Variants in ITPKB observed in about 807,000 individuals in gnomAD.
The protein encoded by ITPKB is IP3 3-kinase B.
Under a neutral mutation model 69.4 loss-of-function variants are expected in ITPKB, and 13 were observed. The ratio of observed to expected loss-of-function variants is 0.19; its 90% CI spans 0.12 to 0.30. ITPKB has a LOEUF of 0.30. ITPKB is among the 10% of genes least tolerant of loss of function. The pLI is 1.00. For synonymous variants in ITPKB, 584 were observed against 513.7 expected, an observed-to-expected ratio of 1.14 and a Z score of -1.85; for missense variants, 1,240 against 1,250.5, an observed-to-expected ratio of 0.99 and a Z score of 0.13.
In ITPKB at chr1:226,632,959, GC is replaced by G. The variant is rs1405414679; in HGVS notation, c.*1711del. The G allele has an allele frequency of 6.6e-6, 1 of 152,120 alleles. No homozygotes were observed. The highest frequency in any genetic ancestry group is 2.4e-5 in the African/African-American group (1 of 41,396). 9.4% of individuals were successfully genotyped at this position (152,120 alleles called of 1,614,324 possible). A position where few individuals can be genotyped will look rare whatever the true frequency, so the allele number is the denominator to read the frequency against. On this transcript the variant is annotated 3_prime_UTR_variant, in exon 8 of 8. Coordinates refer to ENST00000429204, the MANE Select transcript of ITPKB (RefSeq NM_002221.4). ...CCAGAGTTGACTTTGGCTCCCCAAC[GC>G]CCCCGTCCTGCCTGCCTTCCAGATC... is the stretch of plus-strand genomic sequence containing the variant.
chr1:226,732,102 CAAAA>C (rs532778037), intron 2 of ITPKB, among the ~76,000 whole-genome samples: 25 of 76,278 alleles, frequency 3.3e-4, no homozygotes, highest in African/African-American at 8.9e-4. Context: ...TAGTCAACAT[CAAAA>C]AAAAAAAAAA....
intron 2 of ITPKB, among the ~76,000 whole-genome samples, chr1:226,702,562 G>C (rs969547341): frequency 1.3e-5 from 2 of 152,232 alleles, no homozygotes; most frequent in African/African-American, 4.8e-5. Flanking sequence ...ACTAGGCCTA[G>C]AGAGAGATGA....
At chr1:226,732,465 T>TGACCTCAAGTGATCCACC (rs1657618279) in intron 2 of ITPKB, among the ~76,000 whole-genome samples, 1 of 152,024 alleles carries the variant, frequency 6.6e-6, no homozygotes, top group African/African-American at 2.4e-5. Context: ...TTTGAACTCC[T>TGACCTCAAGTGATCCACC]GACCTCAAGT....
chr1:226,708,264 G>T (rs1328357887), intron 2 of ITPKB, among the ~76,000 whole-genome samples: 4 of 152,136 alleles, frequency 2.6e-5, no homozygotes, highest in Non-Finnish European at 5.9e-5. Context: ...GTTATCATTA[G>T]CTTCTTTCTC....
chr1:226,722,878 A>G (rs1657286859), intron 2 of ITPKB, among the ~76,000 whole-genome samples: 1 of 152,096 alleles, frequency 6.6e-6, no homozygotes, highest in Non-Finnish European at 1.5e-5. Flanking sequence ...GTTTGAATAG[A>G]TCATCCTGGA....
At chr1:226,658,347 CT>C (rs1182274896) in intron 2 of ITPKB, among the ~76,000 whole-genome samples, 2 of 152,182 alleles carry the variant, frequency 1.3e-5, no homozygotes, top group Non-Finnish European at 2.9e-5. Flanking sequence ...GTAGGGGCCC[CT>C]GGCTCAATAG....
intron 2 of ITPKB, among the ~76,000 whole-genome samples, chr1:226,713,196 G>C (rs545485737): frequency 1.3e-5 from 2 of 152,078 alleles, no homozygotes; most frequent in Non-Finnish European, 2.9e-5. Flanking sequence ...CGACCTCTTC[G>C]CATTTCTAGA....
At chr1:226,732,355 T>C (rs907417066) in intron 2 of ITPKB, among the ~76,000 whole-genome samples, 2 of 152,026 alleles carry the variant, frequency 1.3e-5, no homozygotes, top group African/African-American at 2.4e-5. Flanking sequence ...TCTCCTGCCT[T>C]AGCCTCCCAA....
chr1:226,707,683 G>A (rs746523809), intron 2 of ITPKB: 5 of 1,027,206 alleles, frequency 4.9e-6, no homozygotes, highest in Non-Finnish European at 5.9e-6. Flanking sequence ...AGTCCCTCTT[G>A]AAAACTAAAG....
chr1:226,649,856 A>C (rs1010644459), intron 2 of ITPKB, among the ~76,000 whole-genome samples: 10 of 152,074 alleles, frequency 6.6e-5, no homozygotes, highest in Non-Finnish European at 1.5e-4. Context: ...AAAAAAACAA[A>C]AAAAAAACAT....
At chr1:226,659,892 T>A (rs1669368392) in intron 2 of ITPKB, among the ~76,000 whole-genome samples, 1 of 152,214 alleles carries the variant, frequency 6.6e-6, no homozygotes, top group African/African-American at 2.4e-5. Flanking sequence ...ACTCCCGGCA[T>A]CTGGCTGATA....
rs1558300216 is a variant in ITPKB at position 226,642,041 on chromosome 1, G to A, written c.2331C>T (p.Asp777=). The A allele has an allele frequency of 6.2e-6, 10 of 1,614,004 alleles. No individual in the cohort carries two copies. Among genetic ancestry groups the A allele is most frequent in the Non-Finnish European group, 7.6e-6 (9 of 1,179,992 alleles). The part of the protein sequence containing the change: ...KDMYQKMIEV[D]PEAPTEEEKA... ...TTTCCTCCTCGGTGGGGGCCTCGGG[G>A]TCCACCTCGATCATCTTCTGGTACA... Residue 777 remains aspartate, a synonymous_variant, in exon 5 of 8, where the codon GAC becomes GAT. Coordinates refer to ENST00000429204, the MANE Select transcript of ITPKB (RefSeq NM_002221.4). This position sits in a 1 kb window ranked among gnomAD's most constrained non-coding sequence, Gnocchi z 6.4.
intron 2 of ITPKB, among the ~76,000 whole-genome samples, chr1:226,724,786 G>T (rs527274586): frequency 3.9e-5 from 6 of 152,286 alleles, no homozygotes; most frequent in African/African-American, 1.2e-4. Flanking sequence ...CTGGTCAATC[G>T]GGGTCCTCCC....
At chr1:226,689,356 G>A (rs1373413144) in intron 2 of ITPKB, among the ~76,000 whole-genome samples, 3 of 152,196 alleles carry the variant, frequency 2.0e-5, no homozygotes, top group African/African-American at 4.8e-5. Flanking sequence ...CTATTGTGGA[G>A]CAGCCTTTGT....
chr1:226,662,762 G>A (rs1669423416), intron 2 of ITPKB, among the ~76,000 whole-genome samples: 1 of 152,218 alleles, frequency 6.6e-6, no homozygotes, highest in Non-Finnish European at 1.5e-5. Flanking sequence ...CTACACTGGT[G>A]CAATTCATAT....
chr1:226,705,547 A>T (rs1656779842), intron 2 of ITPKB, among the ~76,000 whole-genome samples: 1 of 148,138 alleles, frequency 6.8e-6, no homozygotes, highest in Admixed American at 6.8e-5. Context: ...AAAAAAAAAA[A>T]TGATGTCAAA....
chr1:226,636,402 C>A (rs969147911), intron 7 of ITPKB, among the ~76,000 whole-genome samples: 2 of 152,224 alleles, frequency 1.3e-5, no homozygotes, highest in African/African-American at 2.4e-5. Flanking sequence ...TGTGCCACCC[C>A]CTCCTCGCAG....
At chr1:226,649,356 ATGTGCATGTGTGCATGTGATTG>A (rs1340274824) in intron 2 of ITPKB, among the ~76,000 whole-genome samples, 89 of 80,910 alleles carry the variant, frequency 1.1e-3, no homozygotes, top group African/African-American at 0.011. Flanking sequence ...TATGTGATAT[ATGTGCATGTGTGCATGTGATTG>A]TGTGCATGTG....
At chr1:226,733,507 C>T (rs1229928353) in intron 2 of ITPKB, among the ~76,000 whole-genome samples, 1 of 152,138 alleles carries the variant, frequency 6.6e-6, no homozygotes, top group African/African-American at 2.4e-5. Flanking sequence ...TGCAAGCACT[C>T]AACCAAAGCT....
Sources: allele counts gnomAD v4.1 joint callset (sites outside exome capture counted in the v4.1 genomes callset), GRCh38; gene constraint gnomAD v4.1.1; non-coding constraint Gnocchi (gnomAD v3.1); transcripts MANE v1.5; gene names NCBI Gene and HGNC (gene_info 2026-07-23, HGNC 2026-07-21).